Variants in HMCN1 observed in about 807,000 individuals in gnomAD.
HMCN1 encodes hemicentin-1.
HMCN1 carries 321 observed loss-of-function variants against 625.9 expected under a neutral mutation model. The ratio of observed to expected loss-of-function variants is 0.51; its 90% CI spans 0.47 to 0.56. The LOEUF (loss-of-function observed/expected upper bound fraction) is 0.56, where lower values mean the gene tolerates loss of function less well. Ranked by LOEUF, HMCN1 falls within the 20% of genes least tolerant of loss-of-function variation. The pLI, the probability that HMCN1 is intolerant of heterozygous loss-of-function variation, is 0.00. For missense variants in HMCN1, 6,588 were observed against 6,887.3 expected (o/e 0.96, Z 1.54); for synonymous variants, 2,425 against 2,417.6 (o/e 1.00, Z -0.09).
At chr1:186,007,395 A>G in intron 30 of HMCN1, 113 bp downstream of exon 30, 3 of 937,146 alleles carry the variant, frequency 3.2e-6, no homozygotes, top group Non-Finnish European at 5.0e-6. Flanking sequence ...AATACTACAT[A>G]CTTCAAGAGA....
chr1:186,137,549 G>A lies in HMCN1; in HGVS notation c.13634G>A (p.Cys4545Tyr). The A allele has an allele frequency of 1.2e-6, 2 of 1,613,834 alleles. No individual in the cohort carries two copies. Among genetic ancestry groups the A allele is most frequent in the Non-Finnish European group, 1.7e-6 (2 of 1,179,920 alleles). Residue 4545 changes from cysteine to tyrosine, a missense_variant, in exon 88 of 107, where the codon TGT (cysteine) becomes TAT (tyrosine). Cys to Tyr is a radical substitution (Grantham distance 194, BLOSUM62 -2). Transcript: ENST00000271588. ...WSAWRACSVTCGKGIQKRSRL... is the reference protein window; with the variant it reads ...WSAWRACSVTYGKGIQKRSRL... The stretch of plus-strand genomic sequence containing the variant: ...GCATGGAGAGCCTGCAGTGTCACCT[G>A]TGGAAAAGGCATCCAAAAGAGGAGT...
chr1:185,951,839 A>C (rs1451691542), intron 11 of HMCN1, among the ~76,000 whole-genome samples: 1 of 151,758 alleles, frequency 6.6e-6, no homozygotes, highest in Non-Finnish European at 1.5e-5. Flanking sequence ...TGTGTGCTGG[A>C]GATGTGGCTG....
At chr1:185,962,321 T>C (rs1309683043) in intron 11 of HMCN1, among the ~76,000 whole-genome samples, 197 bp from the exon 12 acceptor site, 1 of 152,198 alleles carries the variant, frequency 6.6e-6, no homozygotes, top group Non-Finnish European at 1.5e-5. Flanking sequence ...TCAAATTCAT[T>C]TAACTTTCAA....
At chr1:186,127,687 C>G (rs974569289) in intron 82 of HMCN1, among the ~76,000 whole-genome samples, 3 of 152,114 alleles carry the variant, frequency 2.0e-5, no homozygotes, top group Admixed American at 2.0e-4. Flanking sequence ...TTACCATTTC[C>G]TCTGATAGTT....
intron 4 of HMCN1, among the ~76,000 whole-genome samples, chr1:185,883,153 T>G (rs1664416563): frequency 6.6e-6 from 1 of 152,136 alleles, no homozygotes; most frequent in South Asian, 2.1e-4. Context: ...TGTCTTTCAC[T>G]TCATTATGAA....
chr1:185,782,908 G>C (rs1011566628), intron 1 of HMCN1, among the ~76,000 whole-genome samples: 1 of 152,116 alleles, frequency 6.6e-6, no homozygotes, highest in Non-Finnish European at 1.5e-5. Context: ...GCTAGGTTGG[G>C]GAAGTTCTCC....
At chr1:185,834,350 C>T (rs1009194943) in intron 1 of HMCN1, among the ~76,000 whole-genome samples, 1 of 152,184 alleles carries the variant, frequency 6.6e-6, no homozygotes, top group Non-Finnish European at 1.5e-5. Context: ...CTGATTGGAC[C>T]TTGTGGTCCT....
intron 89 of HMCN1, among the ~76,000 whole-genome samples, chr1:186,139,319 C>G (rs1571407172): frequency 1.3e-5 from 2 of 152,112 alleles, no homozygotes; most frequent in Admixed American, 6.5e-5. Flanking sequence ...TAAGTACTGT[C>G]CTGACGTCTT....
chr1:185,794,349 A>G (rs1353497449), intron 1 of HMCN1, among the ~76,000 whole-genome samples: 1 of 151,596 alleles, frequency 6.6e-6, no homozygotes, highest in Non-Finnish European at 1.5e-5. Context: ...TAGATTATAT[A>G]TATATATATA....
chr1:185,892,981 C>T (rs1318665928), intron 4 of HMCN1, among the ~76,000 whole-genome samples: 2 of 152,164 alleles, frequency 1.3e-5, no homozygotes, highest in African/African-American at 2.4e-5. Flanking sequence ...GGGTAGGACC[C>T]TCCAAGCCAG....
At chr1:185,763,720 G>A (rs1480662540) in intron 1 of HMCN1, among the ~76,000 whole-genome samples, 1 of 152,122 alleles carries the variant, frequency 6.6e-6, no homozygotes, top group Non-Finnish European at 1.5e-5. Flanking sequence ...TTGGCATGGG[G>A]CAGGTACTTT....
At chr1:185,783,904 G>A (rs1657351454) in intron 1 of HMCN1, among the ~76,000 whole-genome samples, 1 of 152,082 alleles carries the variant, frequency 6.6e-6, no homozygotes, top group Non-Finnish European at 1.5e-5. Context: ...GTCTGCAGAG[G>A]TTTCTGCTGT....
intron 1 of HMCN1, among the ~76,000 whole-genome samples, chr1:185,739,681 A>G (rs193208030): frequency 1.5e-4 from 23 of 152,358 alleles, no homozygotes; most frequent in Non-Finnish European, 2.9e-4. Context: ...AAAAGGGCGT[A>G]AAACAGATAA....
chr1:185,770,066 T>A (rs1474519851), intron 1 of HMCN1, among the ~76,000 whole-genome samples: 3 of 152,154 alleles, frequency 2.0e-5, no homozygotes, highest in African/African-American at 7.2e-5. Context: ...ATATAGACAG[T>A]TCCAGCTATT....
chr1:186,087,760 A>G, intron 60 of HMCN1, 115 bp downstream of exon 60: 1 of 1,228,372 alleles, frequency 8.1e-7, no homozygotes, highest in Non-Finnish European at 1.2e-6. Context: ...CATTAAAAAA[A>G]TACATAGCCA....
chr1:185,895,611 A>G (rs770983822), intron 4 of HMCN1, among the ~76,000 whole-genome samples: 3 of 152,210 alleles, frequency 2.0e-5, no homozygotes, highest in Non-Finnish European at 4.4e-5. Context: ...ACAATGTTTC[A>G]TTTACAAAAC....
In HMCN1 at chr1:186,165,128, T is replaced by C. The variant is rs1651797122; in HGVS notation, c.15274T>C (p.Cys5092Arg). 1 of 1,614,038 alleles carries C rather than the reference T, an allele frequency of 6.2e-7. No individual in the cohort carries two copies. The highest frequency in any genetic ancestry group is 1.7e-5 in the Admixed American group (1 of 60,014). ...SISKGDRSNQ[C>R]PSGFTLDSVG... Reference sequence around the variant, plus strand: ...TGTGGTAGGAGATCGCAGTAATCAGTGCCCCTCCGGGTTTACCTTAGACTC... The same window carrying C: ...TGTGGTAGGAGATCGCAGTAATCAGCGCCCCTCCGGGTTTACCTTAGACTC... The change falls in exon 98 of 107, where the codon TGC (cysteine) becomes CGC (arginine). Residue 5092 changes from cysteine to arginine, a missense_variant. Physicochemically the swap from Cys to Arg is radical, Grantham distance 180. Around this residue, in one of 3 missense-constraint regions of HMCN1, gnomAD observed 1,954 missense variants for 2,013.1 expected, o/e 0.97. Coordinates refer to ENST00000271588, the MANE Select transcript of HMCN1 (RefSeq NM_031935.3).
chr1:185,888,992 C>T lies in HMCN1; in HGVS notation c.622-20345C>T, dbSNP rs1007237375. On this transcript the variant is annotated intron_variant, in intron 4 of 106. Transcript: ENST00000271588. ...TGTCCTCTTTTATTTCCTTGAGCAG[C>T]GGTTTGTAGTTCTCCTTGAAGAGGT... Among the ~76,000 whole-genome samples the T allele has an allele frequency of 7.0e-3, 1,018 of 145,278 alleles. 29 individuals are homozygous for T. Among genetic ancestry groups the T allele is most frequent in the African/African-American group, 0.021 (739 of 35,126 alleles).
chr1:186,129,865 T>C lies in HMCN1; in HGVS notation c.12905-101T>C, dbSNP rs1249435301. On this transcript the variant is annotated intron_variant, in intron 83 of 106. Transcript: ENST00000271588. ...CTCCAATGTCATCTCTTTGGTTCAA[T>C]TGCTGACCAACTCATAAATCTAATG... 11 of 1,417,064 alleles carry C rather than the reference T, an allele frequency of 7.8e-6. No homozygotes were observed. In the East Asian group the frequency reaches 2.3e-4, roughly 30 times the overall value. 87.8% of individuals were successfully genotyped at this position (1,417,064 alleles called of 1,614,324 possible).
Sources: allele counts gnomAD v4.1 joint callset (sites outside exome capture counted in the v4.1 genomes callset), GRCh38; gene constraint gnomAD v4.1.1; regional missense constraint gnomAD v4.1.1; transcripts MANE v1.5; gene names NCBI Gene and HGNC (gene_info 2026-07-23, HGNC 2026-07-21).